The following TTC29 variants were observed in gnomAD, a reference collection of about 807,000 sequenced individuals.
TTC29 encodes the protein tetratricopeptide repeat protein 29.
Under a neutral mutation model 58.1 loss-of-function variants are expected in TTC29, and 49 were observed. That is an observed-to-expected ratio of 0.84 (90% CI 0.67 to 1.07). The LOEUF (loss-of-function observed/expected upper bound fraction) is 1.07, where lower values mean the gene tolerates loss of function less well. TTC29 is among the 50% of genes least tolerant of loss of function. The probability of loss-of-function intolerance (pLI) is 0.00; values close to 1 mark genes in which losing one functional copy is unlikely to be tolerated. For missense variants in TTC29, 582 were observed against 555.6 expected (o/e 1.05, Z -0.48); for synonymous variants, 209 against 196.8 (o/e 1.06, Z -0.52).
intron 11 of TTC29, among the ~76,000 whole-genome samples, chr4:146,742,919 G>A (rs1386090536): frequency 6.6e-6 from 1 of 151,892 alleles, no homozygotes; most frequent in Non-Finnish European, 1.5e-5. Flanking sequence ...AGATTTCAAT[G>A]GAAATATAAA....
At chr4:146,816,951 C>A (rs902761374) in intron 10 of TTC29, among the ~76,000 whole-genome samples, 1 of 152,058 alleles carries the variant, frequency 6.6e-6, no homozygotes. Context: ...ATCTGAGGGT[C>A]TGGCAAAGGG....
intron 11 of TTC29, among the ~76,000 whole-genome samples, chr4:146,728,838 CATATATATGTATATATATACACATAT>C (rs1744072482): frequency 1.1e-5 from 1 of 89,254 alleles, no homozygotes; most frequent in Non-Finnish European, 2.2e-5. Flanking sequence ...TATATATACA[CATATATATGTATATATATACACATAT>C]ATATGTGTGT....
chr4:146,750,310 T>TA (rs1416295713), intron 11 of TTC29, among the ~76,000 whole-genome samples: 3 of 152,174 alleles, frequency 2.0e-5, no homozygotes, highest in African/African-American at 7.2e-5. Flanking sequence ...CCCGGCCCTA[T>TA]ACCTGCCTTT....
rs180760155 is a variant in TTC29, at chr4:146,747,274, A to T, written c.1331-39723T>A. 3.4e-4 allele frequency among the ~76,000 whole-genome samples: 51 copies of T among 152,234 alleles called. 1 individual carries two copies. The East Asian group carries it at 7.3e-3, about 22-fold the overall frequency. ...CTGGGTCACACTGCTACTGCTCTGT[A>T]CCATCTTGATACTGGAGCCACTGCT... On this transcript the variant is annotated intron_variant, in intron 11 of 12. Transcript: ENST00000325106.
chr4:146,820,278 A>C (rs753120215), intron 9 of TTC29, 30 bp from the exon 10 acceptor site: 2 of 1,600,940 alleles, frequency 1.2e-6, no homozygotes, highest in African/African-American at 2.7e-5. Flanking sequence ...AAGTCAATGG[A>C]GTATCATCTC....
chr4:146,866,240 T>A lies in TTC29; in HGVS notation c.885+1258A>T, dbSNP rs181535091. Among the ~76,000 whole-genome samples the A allele has an allele frequency of 2.6e-5, 4 of 152,270 alleles. No individual in the cohort carries two copies. The East Asian group carries it at 5.8e-4, about 22-fold the overall frequency. ...GAGAGAAAGAATATCTATGAGCTAG[T>A]TTTCACCTAATTTTCCAATTTGACC... On this transcript the variant is annotated intron_variant, in intron 8 of 12. Transcript: ENST00000325106.
intron 11 of TTC29, among the ~76,000 whole-genome samples, chr4:146,717,354 C>T (rs1045651987): frequency 6.6e-6 from 1 of 152,138 alleles, no homozygotes; most frequent in Non-Finnish European, 1.5e-5. Context: ...TCTCGGTTCA[C>T]TGCAATCTCT....
At chr4:146,917,952 C>A (rs1404669860) in intron 4 of TTC29, among the ~76,000 whole-genome samples, 3 of 150,208 alleles carry the variant, frequency 2.0e-5, no homozygotes, top group African/African-American at 4.8e-5. Context: ...ATTAATATAG[C>A]ATTCTGTTTC....
intron 11 of TTC29, among the ~76,000 whole-genome samples, chr4:146,776,904 G>GA (rs1211294419): frequency 6.6e-6 from 1 of 152,216 alleles, no homozygotes; most frequent in Admixed American, 6.5e-5. Flanking sequence ...TGGGGTGCTG[G>GA]ATGGTGTGGG....
At chr4:146,794,924 G>C (rs1421574874) in intron 11 of TTC29, among the ~76,000 whole-genome samples, 1 of 152,054 alleles carries the variant, frequency 6.6e-6, no homozygotes, top group Non-Finnish European at 1.5e-5. Context: ...AATTAACTCA[G>C]CTTTTTCTCC....
chr4:146,745,505 G>T (rs1745475859), intron 11 of TTC29, among the ~76,000 whole-genome samples: 1 of 152,204 alleles, frequency 6.6e-6, no homozygotes, highest in Admixed American at 6.5e-5. Flanking sequence ...GAGGAATAAA[G>T]AATGCAGTTT....
chr4:146,758,381 C>A (rs1319587717), intron 11 of TTC29, among the ~76,000 whole-genome samples: 3 of 152,016 alleles, frequency 2.0e-5, no homozygotes, highest in African/African-American at 7.2e-5. Context: ...GACAGCAACA[C>A]AATAATAGCA....
At chr4:146,791,533 C>T (rs1009329152) in intron 11 of TTC29, among the ~76,000 whole-genome samples, 8 of 152,258 alleles carry the variant, frequency 5.3e-5, no homozygotes, top group East Asian at 1.9e-4. Flanking sequence ...GTCTCTCCCC[C>T]TCCTTGGGCC....
At chr4:146,894,431 CA>C (rs912752866) in intron 6 of TTC29, among the ~76,000 whole-genome samples, 3 of 148,606 alleles carry the variant, frequency 2.0e-5, no homozygotes, top group Non-Finnish European at 4.4e-5. Flanking sequence ...ATCACAAGGA[CA>C]AAAAACCAAA....
rs778056776 is a variant in TTC29, at chr4:146,707,486, T to C, written c.1396A>G (p.Arg466Gly). 11 of 1,608,162 alleles carry C rather than the reference T, an allele frequency of 6.8e-6. 1 individual carries two copies. Among genetic ancestry groups the C allele is most frequent in the African/African-American group, 5.3e-5 (4 of 74,780 alleles). ...AACTTTTTACTTGATTTATCATACCTACTGAGTTCTTCCAAACGTTCTGAG... is the reference window on the plus strand; with the variant it reads ...AACTTTTTACTTGATTTATCATACCCACTGAGTTCTTCCAAACGTTCTGAG... Reference protein sequence around the residue: ...QNSERLEELSRFPGDQKNET With the variant: ...QNSERLEELSGFPGDQKNET The change falls in exon 12 of 13, where the codon AGG becomes GGG. Residue 466 changes from arginine to glycine, a missense_variant and splice_region_variant. Physicochemically the swap from Arg to Gly is moderately radical, Grantham distance 125. Transcript: ENST00000325106.
chr4:146,820,079 C>T, intron 10 of TTC29, 46 bp downstream of exon 10: 2 of 1,604,678 alleles, frequency 1.2e-6, no homozygotes, highest in South Asian at 2.2e-5. Context: ...AAATTTCTCC[C>T]TAAACACCGC....
At chr4:146,939,956 T>C in intron 2 of TTC29, 55 bp from the exon 3 acceptor site, 1 of 1,504,358 alleles carries the variant, frequency 6.6e-7, no homozygotes, top group Non-Finnish European at 9.0e-7. Flanking sequence ...TTTCAAAGGA[T>C]CCTTTAAGAC....
At chr4:146,929,685 C>G (rs1342997351) in intron 4 of TTC29, among the ~76,000 whole-genome samples, 1 of 152,062 alleles carries the variant, frequency 6.6e-6, no homozygotes, top group African/African-American at 2.4e-5. Flanking sequence ...AATCTGACAT[C>G]TGAATTAGTG....
intron 11 of TTC29, among the ~76,000 whole-genome samples, chr4:146,713,222 T>C (rs1171949070): frequency 1.3e-5 from 2 of 151,810 alleles, no homozygotes; most frequent in Non-Finnish European, 2.9e-5. Context: ...TTTAGTCATG[T>C]GAAGTGTGGT....
Sources: gnomAD v4.1 joint callset for allele counts (sites outside exome capture counted in the v4.1 genomes callset) on GRCh38, gnomAD v4.1.1 for gene constraint, MANE v1.5 for transcripts, NCBI Gene and HGNC (gene_info 2026-07-23, HGNC 2026-07-21) for gene names.